Variants in BABAM2 observed in about 807,000 individuals in gnomAD.
BABAM2 encodes the protein BRISC and BRCA1 A complex member 2.
A neutral mutation model predicts 54.7 loss-of-function variants in BABAM2; 31 were observed. That is an observed-to-expected ratio of 0.57 (90% confidence interval 0.43 to 0.77). BABAM2 has a LOEUF of 0.77. Ranked by LOEUF, BABAM2 falls within the 30% of genes least tolerant of loss-of-function variation. BABAM2 has a pLI of 0.00. For synonymous variants in BABAM2, 167 were observed against 162.9 expected, an observed-to-expected ratio of 1.03 and a Z score of -0.19; for missense variants, 364 against 455.8, an observed-to-expected ratio of 0.80 and a Z score of 1.83.
At chr2:28,080,378 A>G (rs1665056811) in intron 6 of BABAM2, among the ~76,000 whole-genome samples, 1 of 152,230 alleles carries the variant, frequency 6.6e-6, no homozygotes, top group Non-Finnish European at 1.5e-5. Context: ...ATTATAATGT[A>G]TGTAATCAGA....
At chr2:28,012,870 T>A (rs1674496826) in intron 4 of BABAM2, among the ~76,000 whole-genome samples, 1 of 152,160 alleles carries the variant, frequency 6.6e-6, no homozygotes, top group Non-Finnish European at 1.5e-5. Context: ...GAAGATTAGA[T>A]CAAGAGATGT....
chr2:27,927,970 A>T (rs1667833823), intron 2 of BABAM2, among the ~76,000 whole-genome samples: 1 of 151,512 alleles, frequency 6.6e-6, no homozygotes, highest in African/African-American at 2.4e-5. Context: ...CAGCCTTCTG[A>T]GTAGCTGGGA....
intron 5 of BABAM2, among the ~76,000 whole-genome samples, chr2:28,033,863 T>C (rs1266034215): frequency 6.6e-6 from 1 of 152,016 alleles, no homozygotes; most frequent in Non-Finnish European, 1.5e-5. Context: ...AGTTTACATA[T>C]AAAAATCATC....
Position 28,071,596 on chromosome 2 carries a change from G to A in BABAM2, c.570+25797G>A, listed in dbSNP as rs1664145336. On this transcript the variant is annotated intron_variant, in intron 6 of 11. Transcript: ENST00000379624. ...AATTCACTGGGGGTTGCAAAATGGT[G>A]ATACTATAATTTTATCATTCTCTTT... is the stretch of plus-strand genomic sequence containing the variant. Among the ~76,000 whole-genome samples, 5 of 152,160 alleles carry A rather than the reference G, an allele frequency of 3.3e-5. No homozygotes were observed. The South Asian group carries it at 1.0e-3, about 32-fold the overall frequency.
chr2:28,094,362 A>C (rs1190684971), intron 6 of BABAM2, among the ~76,000 whole-genome samples: 3 of 152,150 alleles, frequency 2.0e-5, no homozygotes, highest in Non-Finnish European at 4.4e-5. Flanking sequence ...AAGGGATTTA[A>C]AAATTAAATA....
chr2:27,958,339 A>T (rs1670236224), intron 3 of BABAM2, among the ~76,000 whole-genome samples: 1 of 152,008 alleles, frequency 6.6e-6, no homozygotes, highest in South Asian at 2.1e-4. Context: ...CAGAGGGAGA[A>T]GGAAAAGACA....
chr2:28,104,682 T>C (rs1360694707), intron 6 of BABAM2, among the ~76,000 whole-genome samples: 7 of 152,152 alleles, frequency 4.6e-5, no homozygotes, highest in African/African-American at 7.2e-5. Flanking sequence ...AGCCATCCCA[T>C]TACTGGGTAT....
intron 7 of BABAM2, among the ~76,000 whole-genome samples, chr2:28,221,374 G>T (rs1028324743): frequency 6.6e-6 from 1 of 152,188 alleles, no homozygotes; most frequent in Non-Finnish European, 1.5e-5. Context: ...GATTTACTGA[G>T]AAACACGAAG....
intron 3 of BABAM2, among the ~76,000 whole-genome samples, chr2:27,985,276 C>G (rs1672322765): frequency 1.3e-5 from 2 of 152,064 alleles, no homozygotes; most frequent in Admixed American, 1.3e-4. Context: ...GGTATTTCTA[C>G]TTTTAGTTCT....
chr2:28,245,374 A>G (rs1476934452), intron 10 of BABAM2, among the ~76,000 whole-genome samples: 1 of 152,222 alleles, frequency 6.6e-6, no homozygotes, highest in East Asian at 1.9e-4. Flanking sequence ...TGAAAAGTCT[A>G]CAACTTTGAT....
intron 10 of BABAM2, among the ~76,000 whole-genome samples, chr2:28,257,384 A>G (rs758113543): frequency 6.6e-6 from 1 of 152,160 alleles, no homozygotes; most frequent in Non-Finnish European, 1.5e-5. Context: ...CCAGGTAGCC[A>G]CCGACCACTT....
chr2:28,176,569 C>CAAA (rs778275011), intron 7 of BABAM2, among the ~76,000 whole-genome samples: 171 of 5,040 alleles, frequency 0.034, 71 homozygotes, highest in Middle Eastern at 1. Context: ...GACTCTATCT[C>CAAA]AAAAAAAAAA....
intron 10 of BABAM2, among the ~76,000 whole-genome samples, chr2:28,250,590 T>TC (rs1051967325): frequency 6.7e-6 from 1 of 148,772 alleles, no homozygotes; most frequent in Non-Finnish European, 1.5e-5. Flanking sequence ...TTTTCTTTTT[T>TC]TTTTGTTTGT....
chr2:27,927,176 A>T (rs1667764590), intron 2 of BABAM2, among the ~76,000 whole-genome samples: 1 of 152,192 alleles, frequency 6.6e-6, no homozygotes, highest in South Asian at 2.1e-4. Context: ...GCACAAAAAC[A>T]CTTAACCAGT....
chr2:28,221,926 G>C (rs946462494), intron 7 of BABAM2, among the ~76,000 whole-genome samples: 2 of 152,188 alleles, frequency 1.3e-5, no homozygotes, highest in African/African-American at 4.8e-5. Flanking sequence ...CCTTGCTCCA[G>C]AGTGACCCTG....
chr2:28,266,607 T>C (rs992711584), intron 10 of BABAM2, among the ~76,000 whole-genome samples: 6 of 152,196 alleles, frequency 3.9e-5, no homozygotes, highest in African/African-American at 1.2e-4. Context: ...CCAAGCCCCA[T>C]GAAGTTGGTA....
intron 6 of BABAM2, among the ~76,000 whole-genome samples, chr2:28,066,113 C>T (rs942935046): frequency 2.0e-5 from 3 of 150,498 alleles, no homozygotes; most frequent in East Asian, 1.9e-4. Context: ...GAGCCGAGAT[C>T]GCGCCACTGC....
intron 7 of BABAM2, among the ~76,000 whole-genome samples, chr2:28,198,902 C>G (rs1403293183): frequency 6.6e-6 from 1 of 151,986 alleles, no homozygotes; most frequent in East Asian, 1.9e-4. Flanking sequence ...ACCTCCCCTG[C>G]CCCCACCTGT....
intron 11 of BABAM2, among the ~76,000 whole-genome samples, chr2:28,315,232 T>G (rs1228393637): frequency 1.3e-5 from 2 of 151,878 alleles, no homozygotes; most frequent in African/African-American, 2.4e-5. Context: ...TAGTAGAGTT[T>G]TTTGTTTGTT....
Sources: gnomAD v4.1 joint callset for allele counts (sites outside exome capture counted in the v4.1 genomes callset) on GRCh38, gnomAD v4.1.1 for gene constraint, MANE v1.5 for transcripts, NCBI Gene and HGNC (gene_info 2026-07-23, HGNC 2026-07-21) for gene names.